DNAJC1: variants seen among roughly 807,000 people sequenced by gnomAD.
DNAJC1 encodes the protein dnaJ homolog subfamily C member 1.
In DNAJC1, 58 loss-of-function variants were observed where a neutral mutation model predicts 76.6. The ratio of observed to expected loss-of-function variants is 0.76; its 90% CI spans 0.61 to 0.94. DNAJC1 has a LOEUF of 0.94. Ranked by LOEUF, DNAJC1 falls within the 40% of genes least tolerant of loss-of-function variation. DNAJC1 has a pLI of 0.00. For missense variants in DNAJC1, 689 were observed against 677.3 expected (o/e 1.02, Z -0.19); for synonymous variants, 258 against 267.9 (o/e 0.96, Z 0.36).
chr10:21,950,311 G>A (rs989093536), intron 1 of DNAJC1, among the ~76,000 whole-genome samples: 2 of 151,990 alleles, frequency 1.3e-5, no homozygotes, highest in Non-Finnish European at 2.9e-5. Flanking sequence ...AGTGACCTAT[G>A]ATCAGTGATC....
intron 1 of DNAJC1, among the ~76,000 whole-genome samples, chr10:21,992,845 G>A (rs148176777): frequency 3.6e-4 from 55 of 152,252 alleles, no homozygotes; most frequent in East Asian, 1.4e-3. Context: ...ACAGTGGATC[G>A]TTACAGATCA....
chr10:21,983,155 TTGTATACC>T (rs1356789548), intron 1 of DNAJC1, among the ~76,000 whole-genome samples: 8 of 152,180 alleles, frequency 5.3e-5, no homozygotes, highest in African/African-American at 1.9e-4. Flanking sequence ...AAACAGATAC[TTGTATACC>T]AATGGTCATA....
intron 1 of DNAJC1, among the ~76,000 whole-genome samples, chr10:22,001,958 A>G (rs1316963633): frequency 1.3e-5 from 2 of 152,248 alleles, no homozygotes; most frequent in African/African-American, 4.8e-5. Context: ...TAGTTATTAC[A>G]AAGTTGCTTG....
At chr10:21,993,815 G>A (rs1456749623) in intron 1 of DNAJC1, among the ~76,000 whole-genome samples, 1 of 152,028 alleles carries the variant, frequency 6.6e-6, no homozygotes, top group East Asian at 1.9e-4. Context: ...AAAGCAGGCA[G>A]ATAATTGAAA....
At chr10:21,758,448 C>T (rs936102619) in intron 11 of DNAJC1, among the ~76,000 whole-genome samples, 2 of 152,190 alleles carry the variant, frequency 1.3e-5, no homozygotes, top group Admixed American at 1.3e-4. Flanking sequence ...GGTGGGCTCT[C>T]CACAGGGCAC....
At chr10:21,978,671 A>C (rs1039243961) in intron 1 of DNAJC1, among the ~76,000 whole-genome samples, 1 of 152,162 alleles carries the variant, frequency 6.6e-6, no homozygotes, top group African/African-American at 2.4e-5. Flanking sequence ...AAGTAGATGA[A>C]GAAGTAGAAT....
chr10:21,984,293 C>A (rs1358277430), intron 1 of DNAJC1, among the ~76,000 whole-genome samples: 1 of 152,116 alleles, frequency 6.6e-6, no homozygotes, highest in Non-Finnish European at 1.5e-5. Flanking sequence ...GTCTATTTTT[C>A]TCTTACATAC....
chr10:21,761,540 G>C (rs1457076299), intron 10 of DNAJC1, among the ~76,000 whole-genome samples: 1 of 123,316 alleles, frequency 8.1e-6, no homozygotes, highest in African/African-American at 3.1e-5. Context: ...GACAGAGTGA[G>C]ACTCCGTCTA....
intron 1 of DNAJC1, among the ~76,000 whole-genome samples, chr10:21,942,805 CAAAAAAAA>C: frequency 2.2e-5 from 1 of 45,426 alleles, no homozygotes. Flanking sequence ...GACTCCATCT[CAAAAAAAA>C]AAAAAAAAAA....
intron 1 of DNAJC1, among the ~76,000 whole-genome samples, chr10:21,947,822 T>C (rs1180756414): frequency 6.6e-6 from 1 of 152,242 alleles, no homozygotes; most frequent in Non-Finnish European, 1.5e-5. Flanking sequence ...TATTTCCTGA[T>C]CATTATCCCT....
In DNAJC1 at chr10:21,974,893, T is replaced by C. The variant is rs561161440; in HGVS notation, c.222+28320A>G. ...TAATATGTATACTTCTTATGTAATA[T>C]GTATACATCTTAAAAATACAATGCA... On this transcript the variant is annotated intron_variant, in intron 1 of 11. Coordinates refer to ENST00000376980, the MANE Select transcript of DNAJC1 (RefSeq NM_022365.4). Among the ~76,000 whole-genome samples the C allele has an allele frequency of 1.3e-4, 20 of 152,236 alleles. No homozygotes were observed. In the East Asian group the frequency reaches 1.9e-3, roughly 15 times the overall value.
chr10:21,952,422 T>C (rs1441617059), intron 1 of DNAJC1, among the ~76,000 whole-genome samples: 2 of 152,168 alleles, frequency 1.3e-5, no homozygotes, highest in Non-Finnish European at 2.9e-5. Flanking sequence ...AATTGTGTAC[T>C]AGTAGAAAAG....
At position 21,979,397 on chromosome 10, in the gene DNAJC1, C is replaced by G. The variant is rs558362307; in HGVS notation, c.222+23816G>C. Among the ~76,000 whole-genome samples the G allele has an allele frequency of 2.6e-5, 4 of 152,080 alleles. No homozygotes were observed. In the East Asian group the frequency reaches 7.7e-4, roughly 29 times the overall value. On this transcript the variant is annotated intron_variant, in intron 1 of 11. Coordinates refer to ENST00000376980, the MANE Select transcript of DNAJC1 (RefSeq NM_022365.4). Reference sequence around the variant, plus strand: ...TATCCCAAATAAGGAAGCATGAGAACAAGGGTTTAAAGGATTTTAAGAACT... The same window carrying G: ...TATCCCAAATAAGGAAGCATGAGAAGAAGGGTTTAAAGGATTTTAAGAACT...
chr10:21,870,155 T>C (rs1019898825), intron 8 of DNAJC1, among the ~76,000 whole-genome samples: 5 of 152,142 alleles, frequency 3.3e-5, no homozygotes, highest in African/African-American at 1.2e-4. Flanking sequence ...AGAAAATCAA[T>C]TGGTATACTT....
At chr10:21,841,435 G>A (rs1186620779) in intron 8 of DNAJC1, among the ~76,000 whole-genome samples, 3 of 152,156 alleles carry the variant, frequency 2.0e-5, no homozygotes, top group Non-Finnish European at 2.9e-5. Context: ...ATCAACAAGT[G>A]GGCGAAGGAT....
chr10:21,767,444 G>A (rs1834314700), intron 9 of DNAJC1, among the ~76,000 whole-genome samples: 1 of 151,920 alleles, frequency 6.6e-6, no homozygotes, highest in South Asian at 2.1e-4. Context: ...TATTTTGTTT[G>A]TTTGTTTGTT....
chr10:21,999,646 G>T (rs1157371607), intron 1 of DNAJC1, among the ~76,000 whole-genome samples: 1 of 151,730 alleles, frequency 6.6e-6, no homozygotes, highest in Non-Finnish European at 1.5e-5. Flanking sequence ...GTAGAAACGG[G>T]GTTTTACCAT....
intron 9 of DNAJC1, among the ~76,000 whole-genome samples, chr10:21,787,735 A>C (rs1417154099): frequency 6.6e-6 from 1 of 152,126 alleles, no homozygotes; most frequent in East Asian, 1.9e-4. Context: ...AGGCAAGAGG[A>C]TCCCAGCAGC....
Position 21,778,106 on chromosome 10 carries a change from T to C in DNAJC1, c.1099-11797A>G, listed in dbSNP as rs139692384. On this transcript the variant is annotated intron_variant, in intron 9 of 11. Coordinates refer to ENST00000376980, the MANE Select transcript of DNAJC1 (RefSeq NM_022365.4). ...TGAGAGGCTGAAGCATGAGAATCGC[T>C]TGAACCCAGGAGGCAGAGGTTGCAG... Among the ~76,000 whole-genome samples, 871 of 152,256 alleles carry C rather than the reference T, an allele frequency of 5.7e-3. 6 individuals carry two copies. Among genetic ancestry groups the C allele is most frequent in the African/African-American group, 0.019 (810 of 41,540 alleles).
Sources: gnomAD v4.1 joint callset for allele counts (sites outside exome capture counted in the v4.1 genomes callset) on GRCh38, gnomAD v4.1.1 for gene constraint, MANE v1.5 for transcripts, NCBI Gene and HGNC (gene_info 2026-07-23, HGNC 2026-07-21) for gene names.